The following DNM3 variants were observed in gnomAD, a reference collection of about 807,000 sequenced individuals.
DNM3 encodes the protein dynamin 3.
A neutral mutation model predicts 101.6 loss-of-function variants in DNM3; 47 were observed. That is an observed-to-expected ratio of 0.46 (90% CI 0.37 to 0.59). DNM3 has a LOEUF of 0.59. Among genes scored for constraint, DNM3 ranks in the 20% least tolerant of loss-of-function variants. The pLI, the probability that DNM3 is intolerant of heterozygous loss-of-function variation, is 0.00. For synonymous variants in DNM3, 385 were observed against 387.9 expected, an observed-to-expected ratio of 0.99 and a Z score of 0.09; for missense variants, 849 against 1,085.7, an observed-to-expected ratio of 0.78 and a Z score of 3.06.
At chr1:172,290,032 G>A (rs1489848154) in intron 15 of DNM3, 1 of 921,758 alleles carries the variant, frequency 1.1e-6, no homozygotes, top group Non-Finnish European at 1.3e-6. Flanking sequence ...TAAGATCTTT[G>A]TGTCATTAAT....
chr1:172,089,034 T>C (rs2053726038), intron 12 of DNM3, among the ~76,000 whole-genome samples: 1 of 152,254 alleles, frequency 6.6e-6, no homozygotes. Context: ...CAGTGACTTG[T>C]GTGTAGTAGG....
chr1:171,908,980 C>T (rs1026621670), intron 1 of DNM3, among the ~76,000 whole-genome samples: 5 of 152,164 alleles, frequency 3.3e-5, no homozygotes, highest in African/African-American at 1.2e-4. Flanking sequence ...TTCCTCCCTC[C>T]CTTTTTTCCT....
intron 14 of DNM3, among the ~76,000 whole-genome samples, chr1:172,221,819 A>G (rs562692867): frequency 6.6e-6 from 1 of 152,242 alleles, no homozygotes; most frequent in Non-Finnish European, 1.5e-5. Context: ...TTTTCCCAAT[A>G]ACACTAAATA....
intron 16 of DNM3, among the ~76,000 whole-genome samples, chr1:172,321,900 T>C (rs1573463188): frequency 6.6e-6 from 1 of 152,180 alleles, no homozygotes; most frequent in Non-Finnish European, 1.5e-5. Context: ...TATTGCCTTA[T>C]TGAACAGTTG....
At chr1:171,900,303 G>A (rs1176822029) in intron 1 of DNM3, among the ~76,000 whole-genome samples, 3 of 152,104 alleles carry the variant, frequency 2.0e-5, no homozygotes, top group African/African-American at 7.2e-5. Flanking sequence ...AAGAGAGATT[G>A]GGGCTGCAGA....
At chr1:171,854,142 G>C (rs2033312338) in intron 1 of DNM3, among the ~76,000 whole-genome samples, 1 of 152,176 alleles carries the variant, frequency 6.6e-6, no homozygotes. Context: ...GACTAGCATA[G>C]AGTGTAGTCA....
intron 14 of DNM3, among the ~76,000 whole-genome samples, chr1:172,178,360 T>C (rs991403163): frequency 6.6e-6 from 1 of 151,948 alleles, no homozygotes; most frequent in Non-Finnish European, 1.5e-5. Flanking sequence ...GATTTTTCCA[T>C]TGAGAGTAAT....
At chr1:172,282,004 A>G (rs1393670298) in intron 15 of DNM3, among the ~76,000 whole-genome samples, 1 of 152,216 alleles carries the variant, frequency 6.6e-6, no homozygotes, top group East Asian at 1.9e-4. Flanking sequence ...ATTATATAAC[A>G]TTGGCATTGA....
At chr1:172,282,197 G>A (rs926141838) in intron 15 of DNM3, among the ~76,000 whole-genome samples, 10 of 152,038 alleles carry the variant, frequency 6.6e-5, no homozygotes, top group East Asian at 1.9e-4. Context: ...GCTCATCCTC[G>A]CCGCTCATTC....
intron 15 of DNM3, among the ~76,000 whole-genome samples, chr1:172,279,364 A>G (rs1338614019): frequency 2.6e-5 from 4 of 152,140 alleles, no homozygotes; most frequent in Non-Finnish European, 5.9e-5. Context: ...TAATTCCCAA[A>G]TTGGCACAAA....
At chr1:172,073,448 C>G (rs2052383035) in intron 11 of DNM3, among the ~76,000 whole-genome samples, 1 of 151,908 alleles carries the variant, frequency 6.6e-6, no homozygotes, top group Non-Finnish European at 1.5e-5. Flanking sequence ...TTTACGTATA[C>G]ATAATTTTAT....
intron 14 of DNM3, among the ~76,000 whole-genome samples, chr1:172,149,676 A>G (rs924653407): frequency 6.6e-6 from 1 of 152,156 alleles, no homozygotes; most frequent in African/African-American, 2.4e-5. Flanking sequence ...TGGTGTCCTC[A>G]GGTCACTGAC....
chr1:172,166,522 C>G (rs2148320854), intron 14 of DNM3, among the ~76,000 whole-genome samples: 1 of 152,144 alleles, frequency 6.6e-6, no homozygotes, highest in Non-Finnish European at 1.5e-5. Flanking sequence ...TTGATTATCT[C>G]TAGCTATAGG....
chr1:172,373,605 ACT>A (rs2068459188), intron 17 of DNM3, among the ~76,000 whole-genome samples: 1 of 152,018 alleles, frequency 6.6e-6, no homozygotes, highest in Non-Finnish European at 1.5e-5. Context: ...AGCAATCTTG[ACT>A]CTCTTTGTTT....
At chr1:172,217,998 G>A (rs953881497) in intron 14 of DNM3, among the ~76,000 whole-genome samples, 6 of 152,098 alleles carry the variant, frequency 3.9e-5, no homozygotes, top group Admixed American at 6.6e-5. Context: ...AAAAATTTCT[G>A]TAGTATATTT....
At chr1:171,909,975 T>C (rs908468958) in intron 1 of DNM3, among the ~76,000 whole-genome samples, 1 of 152,202 alleles carries the variant, frequency 6.6e-6, no homozygotes, top group Non-Finnish European at 1.5e-5. Context: ...TTCATTTTAT[T>C]CTGTATTTGA....
chr1:172,274,723 G>T (rs1050298440), intron 15 of DNM3, among the ~76,000 whole-genome samples: 1 of 116,934 alleles, frequency 8.6e-6, no homozygotes, highest in Non-Finnish European at 1.9e-5. Flanking sequence ...TCTAGTGAAG[G>T]TTTTTTTTTT....
At chr1:172,085,985 C>T (rs2053503767) in intron 12 of DNM3, among the ~76,000 whole-genome samples, 1 of 152,056 alleles carries the variant, frequency 6.6e-6, no homozygotes, top group African/African-American at 2.4e-5. Context: ...TGCTTGGTTG[C>T]TTACTGAGAT....
chr1:172,245,560 G>A (rs1190034952), intron 14 of DNM3, among the ~76,000 whole-genome samples: 2 of 152,242 alleles, frequency 1.3e-5, no homozygotes, highest in African/African-American at 2.4e-5. Context: ...ACACATCAAA[G>A]TGCCTGGTTG....
Sources: gnomAD v4.1 joint callset for allele counts (sites outside exome capture counted in the v4.1 genomes callset) on GRCh38, gnomAD v4.1.1 for gene constraint, MANE v1.5 for transcripts, NCBI Gene and HGNC (gene_info 2026-07-23, HGNC 2026-07-21) for gene names.